SMYD1: variants seen among roughly 807,000 people sequenced by gnomAD.
The protein encoded by SMYD1 is SET and MYND domain containing 1.
In SMYD1, 49 loss-of-function variants were observed where a neutral mutation model predicts 54.0. That is an observed-to-expected ratio of 0.91 (90% CI 0.72 to 1.15). The LOEUF (loss-of-function observed/expected upper bound fraction) is 1.15, where lower values mean the gene tolerates loss of function less well. SMYD1 is among the 50% of genes most tolerant of loss of function. The probability of loss-of-function intolerance (pLI) is 0.00; values close to 1 mark genes in which losing one functional copy is unlikely to be tolerated. For synonymous variants in SMYD1, 269 were observed against 234.2 expected, an observed-to-expected ratio of 1.15 and a Z score of -1.36; for missense variants, 653 against 639.6, an observed-to-expected ratio of 1.02 and a Z score of -0.23.
At chr2:88,069,253 G>A (rs1050821382) in intron 1 of SMYD1, among the ~76,000 whole-genome samples, 3 of 152,148 alleles carry the variant, frequency 2.0e-5, no homozygotes, top group African/African-American at 7.2e-5. Flanking sequence ...GACCACCCTG[G>A]GAAAGGGCAC....
chr2:88,090,865 A>G, intron 3 of SMYD1, 147 bp from the exon 4 acceptor site: 1 of 854,704 alleles, frequency 1.2e-6, no homozygotes, highest in Non-Finnish European at 1.8e-6. Flanking sequence ...CACGCAGAGA[A>G]CAGGAGACTA....
rs201116678 is a variant in SMYD1 at position 88,108,524 on chromosome 2, C to T, written c.1299C>T (p.Ile433=). 4.3e-5 allele frequency: 68 copies of T among 1,595,144 alleles called. 2 individuals are homozygous for T. The South Asian group carries it at 7.4e-4, about 17-fold the overall frequency. The part of the protein sequence containing the change: ...LLVTHGPSHP[I]TKDLEAMRVQ... ...TGACACACGGACCCTCCCACCCCAT[C>T]ACTAAGGACTTAGAGGCAAGTAGCG... The change falls in exon 9 of 10, where the codon ATC becomes ATT. Residue 433 remains isoleucine, a synonymous_variant. Coordinates refer to ENST00000419482, the MANE Select transcript of SMYD1 (RefSeq NM_198274.4).
intron 1 of SMYD1, among the ~76,000 whole-genome samples, chr2:88,080,367 T>G (rs751712829): frequency 6.6e-6 from 1 of 152,220 alleles, no homozygotes; most frequent in Admixed American, 6.5e-5. Context: ...CACATATTAG[T>G]GTATACATGA....
intron 7 of SMYD1, among the ~76,000 whole-genome samples, chr2:88,104,079 G>A (rs1558858216): frequency 1.3e-5 from 2 of 151,040 alleles, no homozygotes. Context: ...CCATTCTCCT[G>A]CCTCAGCCTC....
intron 8 of SMYD1, 56 bp from the exon 9 acceptor site, chr2:88,108,315 A>G (rs1674929599): frequency 1.4e-6 from 2 of 1,445,384 alleles, no homozygotes; most frequent in Non-Finnish European, 1.8e-6. Flanking sequence ...TATTAAATTA[A>G]GTGCAGATAT....
chr2:88,072,665 AT>A (rs565054255), intron 1 of SMYD1, among the ~76,000 whole-genome samples: 2 of 151,976 alleles, frequency 1.3e-5, no homozygotes, highest in South Asian at 2.1e-4. Flanking sequence ...TAATTGGCAG[AT>A]TTTTTTTGAT....
At chr2:88,102,358 G>A (rs141149881) in intron 6 of SMYD1, among the ~76,000 whole-genome samples, 3 of 99,686 alleles carry the variant, frequency 3.0e-5, no homozygotes, top group East Asian at 4.3e-4. Context: ...TCAAAACCTT[G>A]TTTTGTTTTG....
intron 1 of SMYD1, among the ~76,000 whole-genome samples, chr2:88,075,210 G>C (rs988044793): frequency 6.6e-6 from 1 of 152,200 alleles, no homozygotes; most frequent in Non-Finnish European, 1.5e-5. Flanking sequence ...TACACAACCT[G>C]TTGTGAGCTG....
At chr2:88,102,511 G>A (rs956889944) in intron 6 of SMYD1, among the ~76,000 whole-genome samples, 6 of 152,272 alleles carry the variant, frequency 3.9e-5, no homozygotes, top group Admixed American at 3.9e-4. Flanking sequence ...TAAGACATTT[G>A]GAAGAGTTTG....
chr2:88,111,329 GATA>G lies in SMYD1; in HGVS notation c.*820_*822del, dbSNP rs1008916418. Reference sequence around the variant, plus strand: ...AGCCTTGTGGTTCCCTGTGATTTTAGATAATGTCTGATATTTTTCTGGCTATTT... The same window carrying G: ...AGCCTTGTGGTTCCCTGTGATTTTAGATGTCTGATATTTTTCTGGCTATTT... On this transcript the variant is annotated 3_prime_UTR_variant, in exon 10 of 10. Coordinates refer to ENST00000419482, the MANE Select transcript of SMYD1 (RefSeq NM_198274.4). 8 of 152,344 alleles carry G rather than the reference GATA, an allele frequency of 5.3e-5. No homozygotes were observed. Among genetic ancestry groups the G allele is most frequent in the African/African-American group, 1.9e-4 (8 of 41,576 alleles). 9.4% of individuals were successfully genotyped at this position (152,344 alleles called of 1,614,324 possible).
rs762212549 is a variant in SMYD1 at position 88,096,610 on chromosome 2, C to A, written c.714C>A (p.Ala238=). The part of the protein sequence containing the change: ...FHTQMRIELR[A]LGKISEGEEL... ...CCTGCTTCAGAATTGAGCTCCGGGCCCTAGGCAAGATCTCAGAAGGAGAGG... is the reference window on the plus strand; with the variant it reads ...CCTGCTTCAGAATTGAGCTCCGGGCACTAGGCAAGATCTCAGAAGGAGAGG... The change falls in exon 6 of 10, where the codon GCC becomes GCA. Residue 238 remains alanine (A), a synonymous_variant. Coordinates refer to ENST00000419482, the MANE Select transcript of SMYD1 (RefSeq NM_198274.4). The A allele has an allele frequency of 6.2e-7, 1 of 1,612,592 alleles. No homozygotes were observed. Among genetic ancestry groups the A allele is most frequent in the Non-Finnish European group, 8.5e-7 (1 of 1,179,316 alleles).
intron 2 of SMYD1, 21 bp downstream of exon 2, chr2:88,084,513 TG>T: frequency 6.4e-7 from 1 of 1,555,248 alleles, no homozygotes; most frequent in Non-Finnish European, 8.8e-7. Context: ...GGCACCCTGG[TG>T]GTGCTTCAGA....
chr2:88,098,360 T>G lies in SMYD1; in HGVS notation c.888+1576T>G, dbSNP rs187381737. Among the ~76,000 whole-genome samples, 14 of 152,306 alleles carry G rather than the reference T, an allele frequency of 9.2e-5. No homozygotes were observed. In the East Asian group the frequency reaches 2.5e-3, roughly 27 times the overall value. On this transcript the variant is annotated intron_variant, in intron 6 of 9. Transcript: ENST00000419482. The stretch of plus-strand genomic sequence containing the variant: ...GGCCTTTAGTTCCCATCCCTTCACT[T>G]TAGATATGCTGTTACCAGCTGGTGA...
At position 88,104,649 on chromosome 2, in the gene SMYD1, C is replaced by T. The variant is rs1017150842; in HGVS notation, c.981+1499C>T. Among the ~76,000 whole-genome samples, 21 of 152,314 alleles carry T rather than the reference C, an allele frequency of 1.4e-4. No homozygotes were observed. The South Asian group carries it at 2.1e-3, about 15-fold the overall frequency. On this transcript the variant is annotated intron_variant, in intron 7 of 9. Coordinates refer to ENST00000419482, the MANE Select transcript of SMYD1 (RefSeq NM_198274.4). ...ATCATTTTTCCACTCCCCGCCACCT[C>T]GGGGTGGCCCCCACCACCTCGGGTT...
intron 2 of SMYD1, among the ~76,000 whole-genome samples, chr2:88,087,618 A>G (rs1674361555): frequency 6.6e-6 from 1 of 151,940 alleles, no homozygotes; most frequent in Non-Finnish European, 1.5e-5. Context: ...TCCCCACCCC[A>G]GTCACTCTCT....
At chr2:88,070,575 C>G (rs1313788444) in intron 1 of SMYD1, among the ~76,000 whole-genome samples, 1 of 151,958 alleles carries the variant, frequency 6.6e-6, no homozygotes, top group Non-Finnish European at 1.5e-5. Flanking sequence ...TATGTTACAT[C>G]TTCTCTATCC....
intron 1 of SMYD1, among the ~76,000 whole-genome samples, chr2:88,074,957 C>T (rs1674026886): frequency 6.6e-6 from 1 of 152,050 alleles, no homozygotes; most frequent in Non-Finnish European, 1.5e-5. Flanking sequence ...ACACATGTGG[C>T]CTTTAATCTG....
chr2:88,091,529 A>T (rs1308682743), intron 4 of SMYD1, among the ~76,000 whole-genome samples: 1 of 152,170 alleles, frequency 6.6e-6, no homozygotes, highest in African/African-American at 2.4e-5. Context: ...GACAATTTAC[A>T]GAAGTGTGGA....
intron 4 of SMYD1, 152 bp from the exon 5 acceptor site, chr2:88,093,365 A>G: frequency 3.5e-6 from 3 of 850,516 alleles, no homozygotes; most frequent in Non-Finnish European, 5.8e-6. Context: ...TGTCTTGTCC[A>G]GTGAGTCCAG....
Sources: gnomAD v4.1 joint callset for allele counts (sites outside exome capture counted in the v4.1 genomes callset) on GRCh38, gnomAD v4.1.1 for gene constraint, MANE v1.5 for transcripts, NCBI Gene and HGNC (gene_info 2026-07-23, HGNC 2026-07-21) for gene names.